The following AKAP8L variants were observed in gnomAD, a reference collection of about 807,000 sequenced individuals.
The protein encoded by AKAP8L is A-kinase anchor protein 8-like.
In AKAP8L, 34 loss-of-function variants were observed where a neutral mutation model predicts 77.5. That is an observed-to-expected ratio of 0.44 (90% CI 0.33 to 0.58). The LOEUF (loss-of-function observed/expected upper bound fraction) is 0.58, where lower values mean the gene tolerates loss of function less well. Ranked by LOEUF, AKAP8L falls within the 20% of genes least tolerant of loss-of-function variation. The pLI is 0.02. For missense variants in AKAP8L, 806 were observed against 887.6 expected, an observed-to-expected ratio of 0.91 and a Z score of 1.17; for synonymous variants, 342 against 340.7, an observed-to-expected ratio of 1.00 and a Z score of -0.04.
rs1654277954 is a variant in AKAP8L, at chr19:15,398,883, T to A, written c.1157+419A>T. The A allele has an allele frequency of 2.5e-5, 22 of 866,578 alleles. No individual in the cohort carries two copies. The highest frequency in any genetic ancestry group is 2.6e-5 in the Non-Finnish European group (18 of 703,266). The allele number at this position is 866,578 out of a possible 1,614,324, so 53.7% of individuals were successfully genotyped here. A position where few individuals can be genotyped will look rare whatever the true frequency, so the allele number is the denominator to read the frequency against. ...GCCCGAGGCTGCCACAGCCCACAGG[T>A]GCTGCCATCTCTCCTGGGCACGGCG... is the stretch of plus-strand genomic sequence containing the variant. On this transcript the variant is annotated intron_variant, in intron 9 of 13. Transcript: ENST00000397410. The surrounding 1 kb of genome is among the most constrained non-coding windows in gnomAD (Gnocchi z 9.2).
intron 12 of AKAP8L, among the ~76,000 whole-genome samples, chr19:15,386,194 G>A (rs1201242788): frequency 6.6e-6 from 1 of 152,156 alleles, no homozygotes; most frequent in Non-Finnish European, 1.5e-5. Flanking sequence ...ACAGGCATGA[G>A]CCACCGCGCC....
In AKAP8L at chr19:15,401,257, G is replaced by C. The variant is rs753551404; in HGVS notation, c.709C>G (p.Arg237Gly). Residue 237 changes from arginine (R) to glycine (G), a missense_variant, in exon 5 of 14, where the codon CGA becomes GGA. This residue lies in a region of AKAP8L where 580 missense variants were observed against 694.1 expected (regional missense o/e 0.84). Transcript: ENST00000397410. The surrounding 1 kb of genome is among the most constrained non-coding windows in gnomAD (Gnocchi z 6.2). ...IPEYGMFQGM[R>G]GGGAFPGGSR... ...CCGCCCGGGAAGGCGCCCCCACCTC[G>C]CATGCCCTGGAACATGCCGTACTCG... 3 of 1,613,646 alleles carry C rather than the reference G, an allele frequency of 1.9e-6. No homozygotes were observed. The highest frequency in any genetic ancestry group is 2.5e-6 in the Non-Finnish European group (3 of 1,179,846).
rs771214672 is a variant in AKAP8L, at chr19:15,401,473, G to A, written c.493C>T (p.Arg165Cys). 8.1e-6 allele frequency: 13 copies of A among 1,613,664 alleles called. No homozygotes were observed. Among genetic ancestry groups the A allele is most frequent in the East Asian group, 4.5e-5 (2 of 44,888 alleles). The change falls in exon 5 of 14, where the codon CGC becomes TGC. Residue 165 changes from arginine (R) to cysteine (C), a missense_variant. Physicochemically the swap from Arg to Cys is radical, Grantham distance 180 (BLOSUM62 -3). This residue lies in a region of AKAP8L where 580 missense variants were observed against 694.1 expected (regional missense o/e 0.84). Coordinates refer to ENST00000397410, the MANE Select transcript of AKAP8L (RefSeq NM_014371.4). This position sits in a 1 kb window ranked among gnomAD's most constrained non-coding sequence, Gnocchi z 6.2. ...TTGCCACGCATGCGGAACTGGTCGCGGTAGGCATCGTATTGGCCCTCATAG... is the reference window on the plus strand; with the variant it reads ...TTGCCACGCATGCGGAACTGGTCGCAGTAGGCATCGTATTGGCCCTCATAG... ...MAYEGQYDAY[R>C]DQFRMRGNDT...
At chr19:15,413,776 A>C (rs553544470) in intron 1 of AKAP8L, among the ~76,000 whole-genome samples, 203 of 152,316 alleles carry the variant, frequency 1.3e-3, no homozygotes, top group African/African-American at 4.8e-3. Flanking sequence ...ACTTTAGGTA[A>C]TGTGATCTGT....
At chr19:15,392,416 A>G (rs544716621) in intron 12 of AKAP8L, among the ~76,000 whole-genome samples, 1 of 152,070 alleles carries the variant, frequency 6.6e-6, no homozygotes, top group Admixed American at 6.5e-5. Context: ...GGATTACCTG[A>G]GCCCAGGAGG....
intron 1 of AKAP8L, among the ~76,000 whole-genome samples, chr19:15,417,279 A>G (rs1161891972): frequency 6.6e-6 from 1 of 152,220 alleles, no homozygotes; most frequent in Non-Finnish European, 1.5e-5. Context: ...GTTCTTGGTA[A>G]GACTTGGTGA....
rs1968222600 is a variant in AKAP8L at position 15,417,215 on chromosome 19, A to G, written c.13+1696T>C. ...GCTACCCCACAGCACCCAACCATTC[A>G]TCTTCTGGTTTCTTCAAGAGTCCTG... is the stretch of plus-strand genomic sequence containing the variant. On this transcript the variant is annotated intron_variant, in intron 1 of 13. Transcript: ENST00000397410. 2.0e-5 allele frequency among the ~76,000 whole-genome samples: 3 copies of G among 152,184 alleles called. No homozygotes were observed. In the South Asian group the frequency reaches 6.2e-4, roughly 32 times the overall value.
At position 15,401,322 on chromosome 19, in the gene AKAP8L, G is replaced by A; in HGVS notation, c.644C>T (p.Ala215Val). ...GGAGAAGAGGGAGGGCAGCCGAGAG[G>A]CACCAGACATGCACTGGCCCCGGGC... ...MGARGQCMSGASRLPSLFSQN... is the reference protein window; with the variant it reads ...MGARGQCMSGVSRLPSLFSQN... The change falls in exon 5 of 14, where the codon GCC becomes GTC. Residue 215 changes from alanine to valine, a missense_variant. Transcript: ENST00000397410. This position sits in a 1 kb window ranked among gnomAD's most constrained non-coding sequence, Gnocchi z 6.2. 6.2e-7 allele frequency: 1 copy of A among 1,613,558 alleles called. No individual in the cohort carries two copies. The highest frequency in any genetic ancestry group is 1.1e-5 in the South Asian group (1 of 91,086).
At position 15,397,885 on chromosome 19, in the gene AKAP8L, G is replaced by A. The variant is rs778601286; in HGVS notation, c.1158-30C>T. The A allele has an allele frequency of 1.2e-6, 2 of 1,608,844 alleles. No individual in the cohort carries two copies. The highest frequency in any genetic ancestry group is 2.2e-5 in the South Asian group (2 of 90,402). On this transcript the variant is annotated intron_variant, in intron 9 of 13. Transcript: ENST00000397410. The surrounding 1 kb of genome is among the most constrained non-coding windows in gnomAD (Gnocchi z 4.7). Reference sequence around the variant, plus strand: ...CACAGGAAGGAAACGAGGGGCTGAGGCTGCAAGTGTCCCAGGGGATAGTGC... The same window carrying A: ...CACAGGAAGGAAACGAGGGGCTGAGACTGCAAGTGTCCCAGGGGATAGTGC...
rs746858484 is a variant in AKAP8L at position 15,410,601 on chromosome 19, A to G, written c.14-7T>C. ...TCAGATCCCTGGACAAAGCCTAAAC[A>G]TAAAGACAGTGGGGTTAATTTCCAC... is the stretch of plus-strand genomic sequence containing the variant. On this transcript the variant is annotated splice_polypyrimidine_tract_variant and splice_region_variant and intron_variant, in intron 1 of 13. Coordinates refer to ENST00000397410, the MANE Select transcript of AKAP8L (RefSeq NM_014371.4). 16 of 1,584,548 alleles carry G rather than the reference A, an allele frequency of 1.0e-5. No homozygotes were observed. The highest frequency in any genetic ancestry group is 1.4e-5 in the Non-Finnish European group (16 of 1,164,814).
intron 1 of AKAP8L, among the ~76,000 whole-genome samples, chr19:15,413,016 C>T (rs1026336849): frequency 6.6e-6 from 1 of 152,208 alleles, no homozygotes; most frequent in African/African-American, 2.4e-5. Flanking sequence ...CCTGGGTAAG[C>T]GTTCTCTTAT....
rs1344742994 is a variant in AKAP8L at position 15,401,494 on chromosome 19, C to T, written c.472G>A (p.Glu158Lys). ...ELDPEMEMAY[E>K]GQYDAYRDQF... ...TCGCGGTAGGCATCGTATTGGCCCT[C>T]ATAGGCCATTTCCATCTCAGGGTCA... is the stretch of plus-strand genomic sequence containing the variant. The change falls in exon 5 of 14, where the codon GAG (glutamate) becomes AAG (lysine). Residue 158 changes from glutamate (E) to lysine (K), a missense_variant. This residue lies in a region of AKAP8L where 580 missense variants were observed against 694.1 expected (regional missense o/e 0.84). Transcript: ENST00000397410. This position sits in a 1 kb window ranked among gnomAD's most constrained non-coding sequence, Gnocchi z 6.2. 1.9e-6 allele frequency: 3 copies of T among 1,613,796 alleles called. No individual in the cohort carries two copies. The highest frequency in any genetic ancestry group is 2.2e-5 in the East Asian group (1 of 44,896).
At position 15,404,197 on chromosome 19, in the gene AKAP8L, C is replaced by T; in HGVS notation, c.89-155G>A. ...GAGCTCGCGAGCACTGCGCAAATGA[C>T]CCAGGCCACTTGCTGCCCTGGTGCC... is the stretch of plus-strand genomic sequence containing the variant. On this transcript the variant is annotated intron_variant, in intron 2 of 13. Transcript: ENST00000397410. 7.4e-6 allele frequency: 5 copies of T among 672,594 alleles called. No homozygotes were observed. In the South Asian group the frequency reaches 9.7e-5, roughly 13 times the overall value. 41.7% of individuals were successfully genotyped at this position (672,594 alleles called of 1,614,324 possible).
chr19:15,411,573 A>G (rs1360050854), intron 1 of AKAP8L, among the ~76,000 whole-genome samples: 1 of 152,166 alleles, frequency 6.6e-6, no homozygotes, highest in Non-Finnish European at 1.5e-5. Context: ...GCAGTGAGCT[A>G]TGATTGCGCC....
chr19:15,404,283 A>G (rs1345053610), intron 2 of AKAP8L: 2 of 520,882 alleles, frequency 3.8e-6, no homozygotes, highest in Non-Finnish European at 6.8e-6. Context: ...AACACTCTCA[A>G]CTAAGGAACT....
At chr19:15,411,644 A>G (rs1233031470) in intron 1 of AKAP8L, among the ~76,000 whole-genome samples, 1 of 152,140 alleles carries the variant, frequency 6.6e-6, no homozygotes, top group Non-Finnish European at 1.5e-5. Flanking sequence ...CAAAAACAAA[A>G]AACAATTATT....
intron 1 of AKAP8L, among the ~76,000 whole-genome samples, chr19:15,414,793 ATTTC>A (rs953458102): frequency 5.3e-5 from 8 of 149,828 alleles, no homozygotes; most frequent in Non-Finnish European, 1.0e-4. Context: ...TAGCCCACGG[ATTTC>A]TTTCTTTCTA....
In AKAP8L at chr19:15,397,046, A is replaced by G. The variant is rs879873885; in HGVS notation, c.1536+104T>C. ...TCCATATCCACCTCCTCCTGCCTCC[A>G]CTGCAGTCCCTCACGGGCTGGCAGA... is the stretch of plus-strand genomic sequence containing the variant. On this transcript the variant is annotated intron_variant, in intron 12 of 13. Transcript: ENST00000397410. This position sits in a 1 kb window ranked among gnomAD's most constrained non-coding sequence, Gnocchi z 4.7. The G allele has an allele frequency of 7.3e-6, 11 of 1,498,148 alleles. No individual in the cohort carries two copies. The African/African-American group carries it at 1.4e-4, about 19-fold the overall frequency. 92.8% of individuals were successfully genotyped at this position (1,498,148 alleles called of 1,614,324 possible).
chr19:15,401,203 C>T lies in AKAP8L; in HGVS notation c.763G>A (p.Gly255Ser), dbSNP rs771132102. Residue 255 changes from glycine (G) to serine (S), a missense_variant, in exon 5 of 14, where the codon GGC becomes AGC. Transcript: ENST00000397410. This position sits in a 1 kb window ranked among gnomAD's most constrained non-coding sequence, Gnocchi z 6.2. ...CAGGTCCGCCTCATCTGCTTCATGCCATTGCCAAACCCGAAACCAAAGCGG... is the reference window on the plus strand; with the variant it reads ...CAGGTCCGCCTCATCTGCTTCATGCTATTGCCAAACCCGAAACCAAAGCGG... ...GSRFGFGFGN[G>S]MKQMRRTWKT... is the part of the protein sequence containing the mutation. 2 of 1,612,160 alleles carry T rather than the reference C, an allele frequency of 1.2e-6. No individual in the cohort carries two copies. The highest frequency in any genetic ancestry group is 1.7e-6 in the Non-Finnish European group (2 of 1,179,166).
Sources: allele counts gnomAD v4.1 joint callset (sites outside exome capture counted in the v4.1 genomes callset), GRCh38; gene constraint gnomAD v4.1.1; regional missense constraint gnomAD v4.1.1; non-coding constraint Gnocchi (gnomAD v3.1); transcripts MANE v1.5; gene names NCBI Gene and HGNC (gene_info 2026-07-23, HGNC 2026-07-21).